The following KIAA1217 variants were observed in gnomAD, a reference collection of about 807,000 sequenced individuals.
The protein encoded by KIAA1217 is KIAA1217, also known as sickle tail protein homolog.
A neutral mutation model predicts 163.9 loss-of-function variants in KIAA1217; 88 were observed. The observed-to-expected ratio is 0.54, with a 90% CI of 0.45 to 0.64. KIAA1217 has a LOEUF of 0.64. KIAA1217 is among the 30% of genes least tolerant of loss of function. The probability of loss-of-function intolerance (pLI) is 0.00; values close to 1 mark genes in which losing one functional copy is unlikely to be tolerated. For synonymous variants in KIAA1217, 903 were observed against 923.1 expected (o/e 0.98, Z 0.39); for missense variants, 2,372 against 2,475.0 (o/e 0.96, Z 0.88).
At chr10:24,008,343 C>A (rs1374205990) in intron 2 of KIAA1217, among the ~76,000 whole-genome samples, 1 of 152,210 alleles carries the variant, frequency 6.6e-6, no homozygotes, top group African/African-American at 2.4e-5. Flanking sequence ...TGTCAGGAAG[C>A]ATTAAACTTA....
chr10:24,498,717 G>C (rs1428958100), intron 8 of KIAA1217, among the ~76,000 whole-genome samples: 1 of 152,294 alleles, frequency 6.6e-6, no homozygotes. Context: ...GCTTTGGAAG[G>C]CTGATGTGGG....
Position 24,543,539 on chromosome 10 carries a change from C to A in KIAA1217, c.4269C>A (p.Thr1423=), listed in dbSNP as rs778922149. Residue 1423 remains threonine (T), a synonymous_variant, in exon 19 of 21, where the codon ACC becomes ACA. Transcript: ENST00000376454. ...ATATCGATGCCAGAAAAGAGATGAC[C>A]CCCCGACAAGAAGGGACTGACAATG... ...TVNIDARKEM[T]PRQEGTDNED... The A allele has an allele frequency of 6.2e-7, 1 of 1,613,854 alleles. No homozygotes were observed. Among genetic ancestry groups the A allele is most frequent in the Non-Finnish European group, 8.5e-7 (1 of 1,179,994 alleles).
chr10:24,032,136 A>G (rs1848212831), intron 2 of KIAA1217, among the ~76,000 whole-genome samples: 1 of 152,230 alleles, frequency 6.6e-6, no homozygotes, highest in East Asian at 1.9e-4. Context: ...AATGCTTTAT[A>G]ATAACTAAGA....
At chr10:24,525,512 C>T (rs1383998935) in intron 13 of KIAA1217, among the ~76,000 whole-genome samples, 1 of 152,178 alleles carries the variant, frequency 6.6e-6, no homozygotes, top group African/African-American at 2.4e-5. Context: ...CAGAGAAATG[C>T]TGCAGCTCTA....
intron 2 of KIAA1217, among the ~76,000 whole-genome samples, chr10:24,035,096 G>A (rs1030501677): frequency 2.0e-5 from 3 of 152,154 alleles, no homozygotes; most frequent in African/African-American, 7.2e-5. Context: ...CAGATTCTAG[G>A]GCCAGACTGA....
At chr10:23,846,011 G>A (rs1839008969) in intron 1 of KIAA1217, among the ~76,000 whole-genome samples, 1 of 151,948 alleles carries the variant, frequency 6.6e-6, no homozygotes, top group Middle Eastern at 3.2e-3. Flanking sequence ...TTGCTTCTTT[G>A]TGTCAGGTTT....
chr10:24,449,607 T>A, intron 5 of KIAA1217: 1 of 985,440 alleles, frequency 1.0e-6, no homozygotes. Flanking sequence ...AAACCACATA[T>A]TTTGACTAAA....
chr10:23,862,459 G>A (rs979158386), intron 1 of KIAA1217, among the ~76,000 whole-genome samples: 11 of 152,130 alleles, frequency 7.2e-5, no homozygotes, highest in Non-Finnish European at 7.3e-5. Flanking sequence ...AACTCTTGTT[G>A]ACCAAACACA....
At chr10:23,758,168 C>T (rs980357832) in intron 1 of KIAA1217, among the ~76,000 whole-genome samples, 7 of 152,044 alleles carry the variant, frequency 4.6e-5, no homozygotes, top group African/African-American at 7.2e-5. Context: ...ATGTTTTCTT[C>T]GAAGAGTTTT....
intron 2 of KIAA1217, among the ~76,000 whole-genome samples, chr10:24,312,309 TAAAAAAAAAA>T (rs1228932678): frequency 7.6e-6 from 1 of 131,106 alleles, no homozygotes; most frequent in Non-Finnish European, 1.6e-5. Context: ...GTCATAGATT[TAAAAAAAAAA>T]AAAAAAAAGG....
At chr10:24,104,606 A>G (rs1213296393) in intron 2 of KIAA1217, among the ~76,000 whole-genome samples, 1 of 152,198 alleles carries the variant, frequency 6.6e-6, no homozygotes, top group Non-Finnish European at 1.5e-5. Flanking sequence ...GTAATCATAC[A>G]TTTGTCAAAA....
At chr10:23,731,122 C>A (rs996892290) in intron 1 of KIAA1217, among the ~76,000 whole-genome samples, 1 of 152,036 alleles carries the variant, frequency 6.6e-6, no homozygotes, top group Non-Finnish European at 1.5e-5. Flanking sequence ...GAAGGGTTTG[C>A]AGTCTGCAGG....
chr10:23,810,636 TAAA>T (rs1179844711), intron 1 of KIAA1217, among the ~76,000 whole-genome samples: 3 of 129,768 alleles, frequency 2.3e-5, no homozygotes, highest in African/African-American at 8.8e-5. Flanking sequence ...TTATATATAA[TAAA>T]TATATAGTGT....
intron 2 of KIAA1217, among the ~76,000 whole-genome samples, chr10:24,061,242 G>C (rs1449770663): frequency 6.6e-6 from 1 of 152,074 alleles, no homozygotes; most frequent in Non-Finnish European, 1.5e-5. Context: ...TAAGCTGATA[G>C]CAACCTTACT....
At chr10:24,098,761 TA>T (rs2062269061) in intron 2 of KIAA1217, among the ~76,000 whole-genome samples, 3 of 108,450 alleles carry the variant, frequency 2.8e-5, no homozygotes, top group African/African-American at 1.4e-4. Context: ...GTGTGTGTGT[TA>T]GAGAGAGACA....
intron 13 of KIAA1217, 139 bp downstream of exon 13, chr10:24,524,903 C>T (rs1394611859): frequency 6.1e-6 from 5 of 813,434 alleles, no homozygotes; most frequent in Non-Finnish European, 9.4e-6. Context: ...AAGTGGGATT[C>T]AGTGGCCAGG....
At chr10:23,823,695 A>G (rs1289680646) in intron 1 of KIAA1217, among the ~76,000 whole-genome samples, 1 of 152,210 alleles carries the variant, frequency 6.6e-6, no homozygotes, top group Non-Finnish European at 1.5e-5. Flanking sequence ...AAACCCCCCT[A>G]CTTTTAAGTT....
chr10:24,208,943 A>G (rs2067730267), upstream of KIAA1217: 2 of 330,522 alleles, frequency 6.1e-6, no homozygotes, highest in East Asian at 1.4e-4. Flanking sequence ...CTGAGGACGG[A>G]CGGACGGACG....
intron 2 of KIAA1217, among the ~76,000 whole-genome samples, chr10:24,345,886 A>G (rs1244021399): frequency 6.6e-6 from 1 of 152,176 alleles, no homozygotes; most frequent in East Asian, 1.9e-4. Flanking sequence ...AAGTATATTC[A>G]CATTGTTATG....
Sources: allele counts gnomAD v4.1 joint callset (sites outside exome capture counted in the v4.1 genomes callset), GRCh38; gene constraint gnomAD v4.1.1; transcripts MANE v1.5; gene names NCBI Gene and HGNC (gene_info 2026-07-23, HGNC 2026-07-21).